Variants in SYN3 observed in about 807,000 individuals in gnomAD.
SYN3 encodes synapsin III, also known as synapsin-3.
Under a neutral mutation model 65.8 loss-of-function variants are expected in SYN3, and 35 were observed. The ratio of observed to expected loss-of-function variants is 0.53; its 90% CI spans 0.41 to 0.70. The LOEUF (loss-of-function observed/expected upper bound fraction) is 0.70, where lower values mean the gene tolerates loss of function less well. Ranked by LOEUF, SYN3 falls within the 30% of genes least tolerant of loss-of-function variation. The pLI is 0.00. For synonymous variants in SYN3, 270 were observed against 292.9 expected (o/e 0.92, Z 0.80); for missense variants, 680 against 749.0 (o/e 0.91, Z 1.08).
At chr22:32,825,542 C>CCAGCTACTCGGGAA (rs984158432) in intron 6 of SYN3, among the ~76,000 whole-genome samples, 2 of 151,164 alleles carry the variant, frequency 1.3e-5, no homozygotes, top group Non-Finnish European at 2.9e-5. Context: ...GCCTGTAATC[C>CCAGCTACTCGGGAA]CAGCTACTCG....
At chr22:32,896,843 T>C (rs887855023) in intron 4 of SYN3, among the ~76,000 whole-genome samples, 1 of 152,218 alleles carries the variant, frequency 6.6e-6, no homozygotes, top group Non-Finnish European at 1.5e-5. Flanking sequence ...TTACCTGAGA[T>C]GATACAAGTG....
At chr22:32,775,412 G>C (rs953415451) in intron 6 of SYN3, among the ~76,000 whole-genome samples, 14 of 152,158 alleles carry the variant, frequency 9.2e-5, no homozygotes, top group Non-Finnish European at 1.0e-4. Flanking sequence ...AACACCTGTG[G>C]AATGCCAAGA....
intron 7 of SYN3, among the ~76,000 whole-genome samples, chr22:32,546,877 TTC>T (rs545254782): frequency 7.2e-4 from 110 of 151,766 alleles, no homozygotes; most frequent in African/African-American, 2.3e-3. Context: ...TCCTCTCTCC[TTC>T]TCTCTCTCCT....
chr22:33,028,682 GT>G (rs2053687898), intron 1 of SYN3, among the ~76,000 whole-genome samples: 1 of 94,682 alleles, frequency 1.1e-5, no homozygotes, highest in Non-Finnish European at 2.1e-5. Flanking sequence ...GGTGGTGGTG[GT>G]GGTGGTGATG....
intron 2 of SYN3, among the ~76,000 whole-genome samples, chr22:33,005,251 C>G (rs898318389): frequency 1.3e-5 from 2 of 152,156 alleles, no homozygotes; most frequent in African/African-American, 4.8e-5. Flanking sequence ...CATGCACATG[C>G]GACCCTGTTC....
At chr22:32,818,047 T>C (rs1182345146) in intron 6 of SYN3, among the ~76,000 whole-genome samples, 1 of 152,220 alleles carries the variant, frequency 6.6e-6, no homozygotes, top group African/African-American at 2.4e-5. Context: ...CTTGGATCAT[T>C]AGAACACTTG....
intron 4 of SYN3, among the ~76,000 whole-genome samples, chr22:32,888,908 T>C (rs1479745667): frequency 6.6e-6 from 1 of 152,244 alleles, no homozygotes; most frequent in Non-Finnish European, 1.5e-5. Context: ...ACTTGATCTC[T>C]ATTGCCCAGT....
At chr22:32,572,412 T>TCCC (rs1569051702) in intron 7 of SYN3, among the ~76,000 whole-genome samples, 172 of 3,408 alleles carry the variant, frequency 0.05, 1 homozygote, top group East Asian at 0.076. Flanking sequence ...CCCTCCTGTC[T>TCCC]TTCCTTCCTT....
intron 7 of SYN3, among the ~76,000 whole-genome samples, chr22:32,542,313 T>G (rs2058269224): frequency 6.6e-6 from 1 of 152,022 alleles, no homozygotes; most frequent in East Asian, 1.9e-4. Flanking sequence ...CATGTGTGCA[T>G]GGTGTGTATG....
chr22:32,784,718 ACTTTGGAAGTTCTCTACTTAT>A (rs2046150205), intron 6 of SYN3, among the ~76,000 whole-genome samples: 1 of 152,240 alleles, frequency 6.6e-6, no homozygotes, highest in Non-Finnish European at 1.5e-5. Flanking sequence ...CACCTACCTT[ACTTTGGAAGTTCTCTACTTAT>A]GTCAGTGTCC....
chr22:32,615,672 G>A (rs772305958), intron 6 of SYN3, among the ~76,000 whole-genome samples: 5 of 152,266 alleles, frequency 3.3e-5, no homozygotes, highest in Non-Finnish European at 7.4e-5. Flanking sequence ...GTTCTAAGAG[G>A]CTGGCCATGA....
intron 2 of SYN3, among the ~76,000 whole-genome samples, chr22:32,983,799 G>A (rs1812553216): frequency 6.6e-6 from 1 of 152,134 alleles, no homozygotes; most frequent in African/African-American, 2.4e-5. Context: ...AGCGACAAAT[G>A]GAAACCTATG....
At chr22:32,826,695 T>C (rs922313309) in intron 6 of SYN3, among the ~76,000 whole-genome samples, 3 of 152,302 alleles carry the variant, frequency 2.0e-5, no homozygotes, top group East Asian at 3.9e-4. Context: ...GTTAGCCTAT[T>C]TGAGCTGGAA....
chr22:32,669,279 G>A, intron 6 of SYN3, among the ~76,000 whole-genome samples: 1 of 152,208 alleles, frequency 6.6e-6, no homozygotes, highest in East Asian at 1.9e-4. Flanking sequence ...GGAGGTGTGT[G>A]TTGGGGGAGC....
rs9609620 is a variant in SYN3, at chr22:32,722,629, C to T, written c.712-125893G>A. On this transcript the variant is annotated intron_variant, in intron 6 of 13. Coordinates refer to ENST00000358763, the MANE Select transcript of SYN3 (RefSeq NM_003490.4). Reference sequence around the variant, plus strand: ...ATTGGTGGCCGAGGCCAGTTTCCCACGGGGCTCCACCCGTACCCAGATGCC... The same window carrying T: ...ATTGGTGGCCGAGGCCAGTTTCCCATGGGGCTCCACCCGTACCCAGATGCC... Among the ~76,000 whole-genome samples the T allele has an allele frequency of 5.9e-3, 905 of 152,260 alleles. 6 individuals are homozygous for T. The highest frequency in any genetic ancestry group is 9.9e-3 in the Non-Finnish European group (673 of 68,012).
At chr22:32,861,847 A>G (rs2048548661) in intron 6 of SYN3, 1 of 152,624 alleles carries the variant, frequency 6.6e-6, no homozygotes, top group South Asian at 2.1e-4. Context: ...CTGTATTTCA[A>G]TCATATCATG....
chr22:32,599,192 G>T (rs540631146), intron 6 of SYN3, among the ~76,000 whole-genome samples: 1 of 152,214 alleles, frequency 6.6e-6, no homozygotes, highest in Non-Finnish European at 1.5e-5. Flanking sequence ...TACTCCTGGT[G>T]GTTATTACTT....
intron 6 of SYN3, among the ~76,000 whole-genome samples, chr22:32,817,038 T>G (rs2047104193): frequency 6.8e-6 from 1 of 147,592 alleles, no homozygotes; most frequent in Non-Finnish European, 1.5e-5. Flanking sequence ...GGTCACATAG[T>G]AAGATTCCCT....
chr22:32,569,720 T>C (rs2058733908), intron 7 of SYN3, among the ~76,000 whole-genome samples: 2 of 152,148 alleles, frequency 1.3e-5, no homozygotes, highest in Admixed American at 1.3e-4. Flanking sequence ...ACTTCCTAAC[T>C]ATGTGACCTT....
Sources: allele counts gnomAD v4.1 joint callset (sites outside exome capture counted in the v4.1 genomes callset), GRCh38; gene constraint gnomAD v4.1.1; transcripts MANE v1.5; gene names NCBI Gene and HGNC (gene_info 2026-07-23, HGNC 2026-07-21).